Variants in MICOS10 observed in about 807,000 individuals in gnomAD.
MICOS10 encodes mitochondrial contact site and cristae organizing system subunit 10.
MICOS10 carries 5 observed loss-of-function variants against 13.4 expected under a neutral mutation model. The observed-to-expected ratio is 0.37, with a 90% CI of 0.20 to 0.78. The LOEUF is 0.78. MICOS10 is among the 30% of genes least tolerant of loss of function. MICOS10 has a pLI of 0.47. For missense variants in MICOS10, 101 were observed against 94.6 expected, an observed-to-expected ratio of 1.07 and a Z score of -0.28; for synonymous variants, 35 against 33.6, an observed-to-expected ratio of 1.04 and a Z score of -0.15.
At chr1:19,597,483 T>C (rs1323252777) in intron 1 of MICOS10, among the ~76,000 whole-genome samples, 2 of 152,308 alleles carry the variant, frequency 1.3e-5, no homozygotes, top group East Asian at 3.9e-4. Context: ...GGGAACCGGC[T>C]CAGGAGGCCA....
At chr1:19,623,143 G>C (rs772424016) in intron 2 of MICOS10, among the ~76,000 whole-genome samples, 1 of 151,908 alleles carries the variant, frequency 6.6e-6, no homozygotes, top group African/African-American at 2.4e-5. Flanking sequence ...AGATGGTCTC[G>C]ATCTCCTGAC....
At chr1:19,609,822 GA>G (rs1193887427) in intron 1 of MICOS10, among the ~76,000 whole-genome samples, 2 of 152,084 alleles carry the variant, frequency 1.3e-5, no homozygotes, top group African/African-American at 2.4e-5. Context: ...GGAAAGGGGG[GA>G]AAAACAGAAT....
intron 1 of MICOS10, among the ~76,000 whole-genome samples, chr1:19,597,515 A>G (rs1278692645): frequency 3.9e-5 from 6 of 152,222 alleles, no homozygotes; most frequent in Admixed American, 2.0e-4. Flanking sequence ...GGCGGAAACC[A>G]AAGTGCCTTC....
chr1:19,608,076 G>C (rs1410626574), intron 1 of MICOS10: 1 of 839,948 alleles, frequency 1.2e-6, no homozygotes, highest in Non-Finnish European at 2.1e-6. Flanking sequence ...AAACCTATAA[G>C]AGCTTTCCCG....
chr1:19,600,991 G>A (rs1016107202), intron 1 of MICOS10: 5 of 1,289,332 alleles, frequency 3.9e-6, no homozygotes, highest in Non-Finnish European at 5.1e-6. Flanking sequence ...TCTCTGTTTG[G>A]TTGTCTTATA....
At chr1:19,615,956 C>T (rs1227424297) in intron 1 of MICOS10, among the ~76,000 whole-genome samples, 1 of 145,568 alleles carries the variant, frequency 6.9e-6, no homozygotes, top group African/African-American at 2.6e-5. Flanking sequence ...CTTGCTCTGT[C>T]GCCCAGGCTG....
chr1:19,620,374 C>T (rs1001756763), intron 1 of MICOS10, among the ~76,000 whole-genome samples: 73 of 152,224 alleles, frequency 4.8e-4, no homozygotes, highest in African/African-American at 1.7e-3. Flanking sequence ...CTGTAAAACT[C>T]ATCAGCAGTT....
At chr1:19,615,084 G>A (rs950614285) in intron 1 of MICOS10, among the ~76,000 whole-genome samples, 1 of 152,184 alleles carries the variant, frequency 6.6e-6, no homozygotes, top group Non-Finnish European at 1.5e-5. Context: ...ACAGAACACT[G>A]TCCTTTCATG....
chr1:19,598,416 A>G (rs996768555), intron 1 of MICOS10, among the ~76,000 whole-genome samples: 2 of 152,332 alleles, frequency 1.3e-5, no homozygotes, highest in South Asian at 2.1e-4. Context: ...CTTGCAGTTC[A>G]GAGAGAAGAC....
At chr1:19,604,672 G>T (rs72656059) in intron 1 of MICOS10, among the ~76,000 whole-genome samples, 2,981 of 152,266 alleles carry the variant, frequency 0.02, 42 homozygotes, top group Non-Finnish European at 0.032. Context: ...GTTTATATAT[G>T]TAATAGTAAT....
At chr1:19,613,610 A>G (rs752177926) in intron 1 of MICOS10, among the ~76,000 whole-genome samples, 1 of 152,240 alleles carries the variant, frequency 6.6e-6, no homozygotes, top group African/African-American at 2.4e-5. Flanking sequence ...ACACTGGAAC[A>G]GTGAACATAG....
chr1:19,598,694 C>T (rs757124594), intron 1 of MICOS10, among the ~76,000 whole-genome samples: 3 of 151,720 alleles, frequency 2.0e-5, no homozygotes, highest in African/African-American at 4.8e-5. Context: ...TCACTCTTCT[C>T]GCCCATCCTT....
chr1:19,617,901 TAA>T (rs200520510), intron 1 of MICOS10, among the ~76,000 whole-genome samples: 1 of 149,376 alleles, frequency 6.7e-6, no homozygotes, highest in African/African-American at 2.5e-5. Context: ...GATCCTCTAT[TAA>T]AAAATATATA....
chr1:19,620,010 A>G (rs2094897630), intron 1 of MICOS10, among the ~76,000 whole-genome samples: 1 of 152,250 alleles, frequency 6.6e-6, no homozygotes, highest in Non-Finnish European at 1.5e-5. Context: ...GAACAGGCTT[A>G]AGCTAGGGAA....
At chr1:19,621,784 G>A (rs1370675918) in intron 1 of MICOS10, among the ~76,000 whole-genome samples, 1 of 152,134 alleles carries the variant, frequency 6.6e-6, no homozygotes, top group East Asian at 1.9e-4. Context: ...GGAGAGCCCA[G>A]GATGCTGGAG....
At position 19,624,869 on chromosome 1, in the gene MICOS10, T is replaced by C. The variant is rs191655179; in HGVS notation, c.222+1286T>C. Among the ~76,000 whole-genome samples the C allele has an allele frequency of 2.3e-3, 354 of 152,338 alleles. 1 individual carries two copies. Among genetic ancestry groups the C allele is most frequent in the African/African-American group, 8.1e-3 (335 of 41,580 alleles). The stretch of plus-strand genomic sequence containing the variant: ...TTATTCTATTAGAGGTAAGTGCCGA[T>C]GGCCTCAGGCTTACTAAGGCATAAC... On this transcript the variant is annotated intron_variant, in intron 3 of 3. Coordinates refer to ENST00000322753, the MANE Select transcript of MICOS10 (RefSeq NM_001032363.4).
At chr1:19,612,450 T>C (rs1232141391) in intron 1 of MICOS10, among the ~76,000 whole-genome samples, 1 of 151,592 alleles carries the variant, frequency 6.6e-6, no homozygotes, top group Non-Finnish European at 1.5e-5. Context: ...TAGCCAGGCG[T>C]GGTGGATCAT....
Position 19,597,038 on chromosome 1 carries a change from T to C in MICOS10, c.-8T>C, listed in dbSNP as rs748924972. 1 of 1,577,410 alleles carries C rather than the reference T, an allele frequency of 6.3e-7. No homozygotes were observed. The highest frequency in any genetic ancestry group is 1.1e-5 in the South Asian group (1 of 87,420). ...CCGAGAGGAAAGCTGGAGGCGCGGG[T>C]GGGGAACATGTCTGAGTCGGAGCTC... On this transcript the variant is annotated 5_prime_UTR_variant, in exon 1 of 4. Transcript: ENST00000322753.
At chr1:19,615,637 A>G (rs191607570) in intron 1 of MICOS10, among the ~76,000 whole-genome samples, 18 of 142,194 alleles carry the variant, frequency 1.3e-4, no homozygotes, top group East Asian at 4.4e-4. Context: ...CAGTGGCACA[A>G]TCAGGGGTCA....
Sources: allele counts gnomAD v4.1 joint callset (sites outside exome capture counted in the v4.1 genomes callset), GRCh38; gene constraint gnomAD v4.1.1; transcripts MANE v1.5; gene names NCBI Gene and HGNC (gene_info 2026-07-23, HGNC 2026-07-21).